The following CPSF1 variants were observed in gnomAD, a reference collection of about 807,000 sequenced individuals.
CPSF1 encodes the protein cleavage and polyadenylation specificity factor subunit 1.
In CPSF1, 106 loss-of-function variants were observed where a neutral mutation model predicts 175.8. That is an observed-to-expected ratio of 0.60 (90% CI 0.52 to 0.71). The LOEUF (loss-of-function observed/expected upper bound fraction) is 0.71, where lower values mean the gene tolerates loss of function less well. CPSF1 is among the 30% of genes least tolerant of loss of function. CPSF1 has a pLI of 0.00. For synonymous variants in CPSF1, 1,024 were observed against 858.3 expected, an observed-to-expected ratio of 1.19 and a Z score of -3.37; for missense variants, 1,734 against 2,022.9, an observed-to-expected ratio of 0.86 and a Z score of 2.74.
Position 144,396,430 on chromosome 8 carries a change from A to G in CPSF1, c.2897T>C (p.Met966Thr), listed in dbSNP as rs1035889251. ...AGAGTCGACCGGGCCGTCGATGGCCATGGGGTGTAGCCGCAGAGCCCCTCG... is the reference window on the plus strand; with the variant it reads ...AGAGTCGACCGGGCCGTCGATGGCCGTGGGGTGTAGCCGCAGAGCCCCTCG... ...TGRGALRLHP[M>T]AIDGPVDSFA... Residue 966 changes from methionine to threonine, a missense_variant, in exon 26 of 38, where the codon ATG (methionine) becomes ACG (threonine). This residue lies in a region of CPSF1 where 585 missense variants were observed against 584.7 expected (regional missense o/e 1.00). Transcript: ENST00000616140. 1.1e-5 allele frequency: 17 copies of G among 1,595,982 alleles called. No homozygotes were observed. Among genetic ancestry groups the G allele is most frequent in the Non-Finnish European group, 1.3e-5 (15 of 1,173,022 alleles).
chr8:144,398,180 C>T (rs782146767), intron 19 of CPSF1, 48 bp from the exon 20 acceptor site: 4 of 1,069,686 alleles, frequency 3.7e-6, no homozygotes, highest in Non-Finnish European at 2.6e-6. Flanking sequence ...ACCGTCCCCA[C>T]CCACCTACCT....
rs1554862041 is a variant in CPSF1, at chr8:144,393,458, T to C, written c.4278A>G (p.Pro1426=). ...GGGCGGGGCGCGCACTCACTATGTC[T>C]GGTGTGGTGCCGATCTTCTTGGCTA... ...SELAKKIGTT[P]DIILDDLLET... The change falls in exon 37 of 38, where the codon CCA becomes CCG. Residue 1426 remains proline (P), a synonymous_variant. Coordinates refer to ENST00000616140, the MANE Select transcript of CPSF1 (RefSeq NM_013291.3). 6.4e-7 allele frequency: 1 copy of C among 1,552,102 alleles called. No individual in the cohort carries two copies. The highest frequency in any genetic ancestry group is 2.0e-5 in the Admixed American group (1 of 51,076).
rs1564687512 is a variant in CPSF1 at position 144,396,599 on chromosome 8, C to T, written c.2825G>A (p.Gly942Glu). Residue 942 changes from glycine to glutamate, a missense_variant and splice_region_variant, in exon 25 of 38, where the codon GGG becomes GAG. Physicochemically the swap from Gly to Glu is moderately conservative, Grantham distance 98 (BLOSUM62 -2). Around this residue, in one of 10 missense-constraint regions of CPSF1, gnomAD observed 585 missense variants for 584.7 expected, o/e 1.00. Coordinates refer to ENST00000616140, the MANE Select transcript of CPSF1 (RefSeq NM_013291.3). ...ACCCCTGCAAAGGCGCTGGCCTACC[C>T]CTGAGTAGCCATAAATATCCTCGAA... ...RYFEDIYGYS[G>E]VFICGPSPHW... The T allele has an allele frequency of 1.9e-6, 3 of 1,612,750 alleles. No homozygotes were observed. The highest frequency in any genetic ancestry group is 1.7e-6 in the Non-Finnish European group (2 of 1,179,494).
Position 144,393,916 on chromosome 8 carries a change from C to T in CPSF1, c.3982G>A (p.Val1328Ile), listed in dbSNP as rs185630472. 3.6e-4 allele frequency: 574 copies of T among 1,613,298 alleles called. 5 individuals carry two copies. In the Middle Eastern group the frequency reaches 8.7e-3, roughly 25 times the overall value. Residue 1328 changes from valine to isoleucine, a missense_variant, in exon 35 of 38, where the codon GTC (valine) becomes ATC (isoleucine). Transcript: ENST00000616140. The stretch of plus-strand genomic sequence containing the variant: ...GTGATGTGCTTATTCTCCCACACGA[C>T]CGACTTTTTGCTGAGCCCTTCAGTG... ...GATEGLSKKSVVWENKHITWF... is the reference protein window; with the variant it reads ...GATEGLSKKSIVWENKHITWF...
At position 144,401,305 on chromosome 8, in the gene CPSF1, G is replaced by A; in HGVS notation, c.307-14C>T. 1 of 1,578,078 alleles carries A rather than the reference G, an allele frequency of 6.3e-7. No individual in the cohort carries two copies. ...CACCACAGACAGCTGCGGTCAGAGG[G>A]CACAGCCGTGGCTGCCGACTGCCGG... is the stretch of plus-strand genomic sequence containing the variant. On this transcript the variant is annotated splice_polypyrimidine_tract_variant and intron_variant, in intron 4 of 37. Coordinates refer to ENST00000616140, the MANE Select transcript of CPSF1 (RefSeq NM_013291.3).
Position 144,400,060 on chromosome 8 carries a change from G to A in CPSF1, c.963C>T (p.Thr321=). Residue 321 remains threonine (T), a synonymous_variant, in exon 10 of 38, where the codon ACC becomes ACT. Coordinates refer to ENST00000616140, the MANE Select transcript of CPSF1 (RefSeq NM_013291.3). ...PLRTQEGVRI[T]LDCAQATFIS... is the part of the protein sequence containing the mutation. Reference sequence around the variant, plus strand: ...TGAAGGTGGCCTGGGCGCAGTCCAGGGTGATCCGCACACCCTCCTGGGTGC... The same window carrying A: ...TGAAGGTGGCCTGGGCGCAGTCCAGAGTGATCCGCACACCCTCCTGGGTGC... 6.2e-7 allele frequency: 1 copy of A among 1,611,726 alleles called. No homozygotes were observed.
rs2116865428 is a variant in CPSF1 at position 144,399,693 on chromosome 8, G to A, written c.1137C>T (p.Pro379=). 59 of 1,609,596 alleles carry A rather than the reference G, an allele frequency of 3.7e-5. No individual in the cohort carries two copies. The highest frequency in any genetic ancestry group is 1.6e-4 in the Middle Eastern group (1 of 6,074). The change falls in exon 12 of 38, where the codon CCC becomes CCT. Residue 379 remains proline, a synonymous_variant. Transcript: ENST00000616140. The surrounding 1 kb of genome is among the most constrained non-coding windows in gnomAD (Gnocchi z 6.4). ...VLTTSMVTME[P]GYLFLGSRLG... ...GGCGAGAACCCAGGAACAGGTACCC[G>A]GGCTCCATGGTGACCATCTGAGGGA... is the stretch of plus-strand genomic sequence containing the variant.
chr8:144,396,601 T>A lies in CPSF1; in HGVS notation c.2823A>T (p.Ser941=), dbSNP rs149697432. The part of the protein sequence containing the change: ...FRYFEDIYGY[S]GVFICGPSPH... Reference sequence around the variant, plus strand: ...CCCTGCAAAGGCGCTGGCCTACCCCTGAGTAGCCATAAATATCCTCGAAGT... The same window carrying A: ...CCCTGCAAAGGCGCTGGCCTACCCCAGAGTAGCCATAAATATCCTCGAAGT... Residue 941 remains serine (S), a synonymous_variant, in exon 25 of 38, where the codon TCA becomes TCT. Coordinates refer to ENST00000616140, the MANE Select transcript of CPSF1 (RefSeq NM_013291.3). 40 of 1,612,356 alleles carry A rather than the reference T, an allele frequency of 2.5e-5. No homozygotes were observed. The African/African-American group carries it at 4.8e-4, about 19-fold the overall frequency.
At position 144,397,800 on chromosome 8, in the gene CPSF1, C is replaced by T. The variant is rs1554864590; in HGVS notation, c.2153G>A (p.Arg718His). Residue 718 changes from arginine to histidine, a missense_variant, in exon 21 of 38, where the codon CGT (arginine) becomes CAT (histidine). Arg to His is a conservative substitution (Grantham distance 29). Around this residue, in one of 10 missense-constraint regions of CPSF1, gnomAD observed 585 missense variants for 584.7 expected, o/e 1.00. Transcript: ENST00000616140. Reference sequence around the variant, plus strand: ...GCCACTGCGGCCCCCGAGCTCGTCACGGGCCCCACCCAGGCGGCTCTCAGT... The same window carrying T: ...GCCACTGCGGCCCCCGAGCTCGTCATGGGCCCCACCCAGGCGGCTCTCAGT... ...FTTESRLGGA[R>H]DELGGRSGPE... 1.2e-5 allele frequency: 20 copies of T among 1,610,764 alleles called. No individual in the cohort carries two copies. The highest frequency in any genetic ancestry group is 1.6e-4 in the Middle Eastern group (1 of 6,076).
chr8:144,394,095 G>C lies in CPSF1; in HGVS notation c.3859+18C>G. 6.2e-7 allele frequency: 1 copy of C among 1,612,070 alleles called. No homozygotes were observed. The highest frequency in any genetic ancestry group is 8.5e-7 in the Non-Finnish European group (1 of 1,179,356). ...GCCCAGCCCCGGCCCAGGCAGAGGG[G>C]GTGGAGGAAGCACTCACCTTCGGGC... On this transcript the variant is annotated intron_variant, in intron 34 of 37. Coordinates refer to ENST00000616140, the MANE Select transcript of CPSF1 (RefSeq NM_013291.3).
In CPSF1 at chr8:144,397,350, C is replaced by G; in HGVS notation, c.2449G>C (p.Val817Leu). ...LVKNFPVGQR[V>L]LVDSSFGQPT... is the part of the protein sequence containing the mutation. ...TGTCCAAAGGAGCTGTCCACAAGGACCCGCTGCCCCACAGGGAAGTTCTTC... is the reference window on the plus strand; with the variant it reads ...TGTCCAAAGGAGCTGTCCACAAGGAGCCGCTGCCCCACAGGGAAGTTCTTC... Residue 817 changes from valine (V) to leucine (L), a missense_variant, in exon 23 of 38, where the codon GTC becomes CTC. Around this residue, in one of 10 missense-constraint regions of CPSF1, gnomAD observed 585 missense variants for 584.7 expected, o/e 1.00. Coordinates refer to ENST00000616140, the MANE Select transcript of CPSF1 (RefSeq NM_013291.3). 1 of 1,562,590 alleles carries G rather than the reference C, an allele frequency of 6.4e-7. No homozygotes were observed. The highest frequency in any genetic ancestry group is 8.7e-7 in the Non-Finnish European group (1 of 1,153,946).
In CPSF1 at chr8:144,398,098, G is replaced by A. The variant is rs374273379; in HGVS notation, c.1929C>T (p.Gly643=). 1.4e-5 allele frequency: 23 copies of A among 1,608,880 alleles called. No homozygotes were observed. Among genetic ancestry groups the A allele is most frequent in the Admixed American group, 3.4e-5 (2 of 59,690 alleles). ...NQLHFIPVDL[G]APIVQCAVAD... is the part of the protein sequence containing the mutation. Reference sequence around the variant, plus strand: ...CCACGGCGCACTGCACGATGGGGGCGCCCAGGTCCACGGGGATGAAGTGCA... The same window carrying A: ...CCACGGCGCACTGCACGATGGGGGCACCCAGGTCCACGGGGATGAAGTGCA... Residue 643 remains glycine (G), a synonymous_variant, in exon 20 of 38, where the codon GGC becomes GGT. Transcript: ENST00000616140.
At position 144,396,654 on chromosome 8, in the gene CPSF1, C is replaced by T. The variant is rs150451061; in HGVS notation, c.2770G>A (p.Ala924Thr). 522 of 1,613,836 alleles carry T rather than the reference C, an allele frequency of 3.2e-4. 2 individuals carry two copies. In the African/African-American group the frequency reaches 6.2e-3, roughly 19 times the overall value. Residue 924 changes from alanine (A) to threonine (T), a missense_variant, in exon 25 of 38, where the codon GCC (alanine) becomes ACC (threonine). Around this residue, in one of 10 missense-constraint regions of CPSF1, gnomAD observed 585 missense variants for 584.7 expected, o/e 1.00. Coordinates refer to ENST00000616140, the MANE Select transcript of CPSF1 (RefSeq NM_013291.3). ...CGGAAACGCGCCACGCGGCCCCGGG[C>T]CCCAGCCCCCTCCTCTGCGCCGCCA... ...EGGGAEEGAG[A>T]RGRVARFRYF...
rs781960095 is a variant in CPSF1, at chr8:144,394,024, C to T, written c.3874G>A (p.Gly1292Arg). 5.6e-6 allele frequency: 9 copies of T among 1,611,732 alleles called. No homozygotes were observed. The highest frequency in any genetic ancestry group is 4.5e-5 in the East Asian group (2 of 44,842). ...MYLPEAKESF[G>R]GMRLLRRADF... ...GCCCGACGCAGCAGGCGCATGCCCC[C>T]GAAACTCTCCTTGGCTAGACCAGAA... The change falls in exon 35 of 38, where the codon GGG becomes AGG. Residue 1292 changes from glycine (G) to arginine (R), a missense_variant. Physicochemically the swap from Gly to Arg is moderately radical, Grantham distance 125. Around this residue, in one of 10 missense-constraint regions of CPSF1, gnomAD observed 323 missense variants for 338.5 expected, o/e 0.95. Coordinates refer to ENST00000616140, the MANE Select transcript of CPSF1 (RefSeq NM_013291.3).
At chr8:144,401,615 G>A (rs2116886083) in intron 3 of CPSF1, 31 bp downstream of exon 3, 17 of 1,611,086 alleles carry the variant, frequency 1.1e-5, no homozygotes, top group African/African-American at 4.0e-5. Flanking sequence ...CCTGGCACCC[G>A]CACAGCCCCA....
intron 2 of CPSF1, among the ~76,000 whole-genome samples, chr8:144,406,073 AG>A (rs1554869007): frequency 1.3e-5 from 2 of 152,194 alleles, no homozygotes; most frequent in Non-Finnish European, 2.9e-5. Context: ...TTAGTTACAG[AG>A]CCACGACTAG....
chr8:144,394,731 G>A lies in CPSF1; in HGVS notation c.3480C>T (p.Phe1160=). The A allele has an allele frequency of 6.2e-7, 1 of 1,613,578 alleles. No homozygotes were observed. Among genetic ancestry groups the A allele is most frequent in the Non-Finnish European group, 8.5e-7 (1 of 1,179,966 alleles). The change falls in exon 31 of 38, where the codon TTC becomes TTT. Residue 1160 remains phenylalanine, a synonymous_variant. Transcript: ENST00000616140. The part of the protein sequence containing the change: ...EPGQPLTKNK[F]KVLYEKEQKG... Reference sequence around the variant, plus strand: ...TCTGCTCCTTCTCGTAAAGGACTTTGAACTTGTTCTTGGTCAAGGGCTGGC... The same window carrying A: ...TCTGCTCCTTCTCGTAAAGGACTTTAAACTTGTTCTTGGTCAAGGGCTGGC...
chr8:144,397,691 C>T, intron 21 of CPSF1, 30 bp from the exon 22 acceptor site: 1 of 1,563,532 alleles, frequency 6.4e-7, no homozygotes. Flanking sequence ...CATGGGCGGC[C>T]TGCCAGCCCC....
At chr8:144,398,480 G>A in intron 18 of CPSF1, 37 bp from the exon 19 acceptor site, 12 of 1,587,024 alleles carry the variant, frequency 7.6e-6, no homozygotes, top group African/African-American at 1.4e-5. Context: ...GCCCCCCGCA[G>A]GGGACCCCAG....
Sources: gnomAD v4.1 joint callset for allele counts (sites outside exome capture counted in the v4.1 genomes callset) on GRCh38, gnomAD v4.1.1 for gene constraint, gnomAD v4.1.1 regional missense constraint, Gnocchi (gnomAD v3.1) non-coding constraint, MANE v1.5 for transcripts, NCBI Gene and HGNC (gene_info 2026-07-23, HGNC 2026-07-21) for gene names.